The following PLEK variants were observed in gnomAD, a reference collection of about 807,000 sequenced individuals.
The protein encoded by PLEK is pleckstrin, also known as platelet 47 kDa protein.
A neutral mutation model predicts 43.9 loss-of-function variants in PLEK; 25 were observed. The observed-to-expected ratio is 0.57, with a 90% CI of 0.41 to 0.79. The LOEUF is 0.79. Among genes scored for constraint, PLEK ranks in the 30% least tolerant of loss-of-function variants. The pLI, the probability that PLEK is intolerant of heterozygous loss-of-function variation, is 0.00. For missense variants in PLEK, 396 were observed against 413.3 expected, an observed-to-expected ratio of 0.96 and a Z score of 0.36; for synonymous variants, 152 against 144.4, an observed-to-expected ratio of 1.05 and a Z score of -0.38.
intron 4 of PLEK, 78 bp from the exon 5 acceptor site, chr2:68,386,424 G>C: frequency 9.1e-7 from 1 of 1,093,810 alleles, no homozygotes; most frequent in Non-Finnish European, 1.4e-6. Context: ...GGGTGAGCTG[G>C]AGTCAGTTCA....
chr2:68,394,273 C>A, intron 8 of PLEK, 97 bp downstream of exon 8: 1 of 799,672 alleles, frequency 1.3e-6, no homozygotes, highest in South Asian at 1.4e-5. Context: ...ATCAATTAAT[C>A]AGGATAAGCA....
At chr2:68,393,924 G>A (rs1673909182) in intron 7 of PLEK, among the ~76,000 whole-genome samples, 183 bp from the exon 8 acceptor site, 1 of 152,048 alleles carries the variant, frequency 6.6e-6, no homozygotes, top group South Asian at 2.1e-4. Context: ...ACTGAAGCAG[G>A]GTGTGGAGGA....
At chr2:68,381,590 C>A (rs546477879) in intron 3 of PLEK, among the ~76,000 whole-genome samples, 3 of 152,232 alleles carry the variant, frequency 2.0e-5, no homozygotes, top group African/African-American at 7.2e-5. Context: ...AAGCAGGAGC[C>A]CTGTTGAGAA....
chr2:68,381,498 T>C (rs1048793151), intron 3 of PLEK, among the ~76,000 whole-genome samples: 1 of 152,206 alleles, frequency 6.6e-6, no homozygotes, highest in Non-Finnish European at 1.5e-5. Context: ...CCTGAGTATC[T>C]CACATCTTTG....
At chr2:68,393,020 C>T (rs1044220248) in intron 6 of PLEK, 142 bp from the exon 7 acceptor site, 20 of 686,840 alleles carry the variant, frequency 2.9e-5, no homozygotes, top group African/African-American at 8.8e-5. Flanking sequence ...AGACCTAGGC[C>T]GGGATATTGT....
chr2:68,377,350 T>C (rs1236715872), intron 1 of PLEK, among the ~76,000 whole-genome samples: 1 of 152,204 alleles, frequency 6.6e-6, no homozygotes, highest in Non-Finnish European at 1.5e-5. Flanking sequence ...CTCCAAACTG[T>C]TCTTCATAGT....
chr2:68,386,914 A>T (rs17035398), intron 5 of PLEK, among the ~76,000 whole-genome samples: 3,565 of 152,292 alleles, frequency 0.023, 69 homozygotes, highest in Admixed American at 0.069. Context: ...GCCCTGTCCA[A>T]GTGAATTTGT....
At chr2:68,387,318 C>A (rs1295850385) in intron 5 of PLEK, among the ~76,000 whole-genome samples, 1 of 152,146 alleles carries the variant, frequency 6.6e-6, no homozygotes. Flanking sequence ...TGTCTTAGAC[C>A]CTAGTCCATG....
At chr2:68,382,831 A>C (rs754367418) in intron 4 of PLEK, among the ~76,000 whole-genome samples, 198 bp downstream of exon 4, 11 of 152,166 alleles carry the variant, frequency 7.2e-5, no homozygotes, top group Non-Finnish European at 1.3e-4. Context: ...GATTTTGTTC[A>C]AGCTTTATTT....
intron 6 of PLEK, 56 bp from the exon 7 acceptor site, chr2:68,393,106 A>G: frequency 2.0e-6 from 2 of 1,011,842 alleles, no homozygotes; most frequent in Non-Finnish European, 3.2e-6. Context: ...TATTGTTTGT[A>G]CAGAGTGATG....
intron 5 of PLEK, among the ~76,000 whole-genome samples, chr2:68,387,108 C>T (rs1354147862): frequency 2.0e-5 from 3 of 152,098 alleles, no homozygotes; most frequent in Non-Finnish European, 2.9e-5. Context: ...CGGGTTCAAG[C>T]GATTTTCCTG....
At chr2:68,386,354 C>A (rs1046005811) in intron 4 of PLEK, 148 bp from the exon 5 acceptor site, 12 of 568,244 alleles carry the variant, frequency 2.1e-5, no homozygotes, top group Non-Finnish European at 3.5e-5. Context: ...GGTATCTATC[C>A]CACTTATTTT....
At chr2:68,375,772 T>C (rs1246460692) in intron 1 of PLEK, among the ~76,000 whole-genome samples, 2 of 152,340 alleles carry the variant, frequency 1.3e-5, no homozygotes, top group South Asian at 2.1e-4. Flanking sequence ...GTGGTAGTCA[T>C]GACAGGGTGA....
chr2:68,383,746 T>A (rs960973806), intron 4 of PLEK, among the ~76,000 whole-genome samples: 3 of 152,164 alleles, frequency 2.0e-5, no homozygotes, highest in Admixed American at 1.3e-4. Flanking sequence ...AAGAAAACTC[T>A]GAGCTGATAC....
At chr2:68,382,502 T>C in intron 3 of PLEK, 40 bp from the exon 4 acceptor site, 1 of 1,216,116 alleles carries the variant, frequency 8.2e-7, no homozygotes, top group Non-Finnish European at 1.2e-6. Context: ...CTGGGTTTTT[T>C]TTTGTTTGTT....
chr2:68,393,050 C>A, intron 6 of PLEK, 112 bp from the exon 7 acceptor site: 1 of 768,722 alleles, frequency 1.3e-6, no homozygotes, highest in South Asian at 1.5e-5. Context: ...GTTAGTATTT[C>A]ATTTTCTCTT....
chr2:68,388,477 T>A lies in PLEK; in HGVS notation c.748T>A (p.Cys250Ser). 1.9e-6 allele frequency: 3 copies of A among 1,585,398 alleles called. No homozygotes were observed. Among genetic ancestry groups the A allele is most frequent in the Non-Finnish European group, 2.6e-6 (3 of 1,153,788 alleles). ...EFRGVIIKQG[C>S]LLKQGHRRKN... is the part of the protein sequence containing the mutation. Reference sequence around the variant, plus strand: ...CAGAGGGGTCATTATCAAGCAGGGATGTTTACTGAAGCAGGTGAGTGGCCA... The same window carrying A: ...CAGAGGGGTCATTATCAAGCAGGGAAGTTTACTGAAGCAGGTGAGTGGCCA... Residue 250 changes from cysteine to serine, a missense_variant, in exon 6 of 9, where the codon TGT (cysteine) becomes AGT (serine). Cys to Ser is a moderately radical substitution (Grantham distance 112). Transcript: ENST00000234313.
intron 6 of PLEK, among the ~76,000 whole-genome samples, chr2:68,392,278 C>T: frequency 6.6e-6 from 1 of 151,780 alleles, no homozygotes; most frequent in Non-Finnish European, 1.5e-5. Flanking sequence ...CTGCAGCTAC[C>T]TAAGGTTTAG....
At chr2:68,386,099 TTTTA>T (rs955120841) in intron 4 of PLEK, among the ~76,000 whole-genome samples, 1 of 151,394 alleles carries the variant, frequency 6.6e-6, no homozygotes. Flanking sequence ...TTATTTTTGT[TTTTA>T]TTTATTTATT....
Sources: allele counts gnomAD v4.1 joint callset (sites outside exome capture counted in the v4.1 genomes callset), GRCh38; gene constraint gnomAD v4.1.1; transcripts MANE v1.5; gene names NCBI Gene and HGNC (gene_info 2026-07-23, HGNC 2026-07-21).